The following OTUD7A variants were observed in gnomAD, a reference collection of about 807,000 sequenced individuals.
OTUD7A encodes the protein OTU domain-containing protein 7A.
OTUD7A carries 12 observed loss-of-function variants against 65.7 expected under a neutral mutation model. The ratio of observed to expected loss-of-function variants is 0.18; its 90% CI spans 0.12 to 0.30. OTUD7A has a LOEUF of 0.30. Ranked by LOEUF, OTUD7A falls within the 10% of genes least tolerant of loss-of-function variation. The pLI is 1.00. For missense variants in OTUD7A, 1,148 were observed against 1,304.8 expected, an observed-to-expected ratio of 0.88 and a Z score of 1.85; for synonymous variants, 641 against 586.3, an observed-to-expected ratio of 1.09 and a Z score of -1.35.
chr15:31,662,046 G>T (rs1001987843), intron 1 of OTUD7A, among the ~76,000 whole-genome samples: 11 of 152,180 alleles, frequency 7.2e-5, no homozygotes, highest in African/African-American at 2.7e-4. Context: ...GACTCGATCA[G>T]ATTCAGATTC....
At chr15:31,554,095 C>T (rs961474023) in intron 5 of OTUD7A, among the ~76,000 whole-genome samples, 5 of 149,442 alleles carry the variant, frequency 3.3e-5, no homozygotes, top group African/African-American at 1.3e-4. Context: ...TGTTAGACTC[C>T]CTCTGCCAGG....
chr15:31,696,850 G>A (rs1328501603), intron 1 of OTUD7A, among the ~76,000 whole-genome samples: 3 of 150,154 alleles, frequency 2.0e-5, no homozygotes, highest in Non-Finnish European at 1.5e-5. Context: ...GAGGAGGAGT[G>A]GGGAGTCCAA....
At chr15:31,764,861 T>C (rs982713326) in intron 1 of OTUD7A, among the ~76,000 whole-genome samples, 14 of 152,314 alleles carry the variant, frequency 9.2e-5, no homozygotes, top group Admixed American at 2.0e-4. Flanking sequence ...TCCATCATCA[T>C]AGAAGTCAGT....
intron 3 of OTUD7A, among the ~76,000 whole-genome samples, chr15:31,599,863 G>A (rs766649347): frequency 3.9e-5 from 6 of 152,046 alleles, no homozygotes; most frequent in Non-Finnish European, 7.4e-5. Context: ...ATCAATAGCC[G>A]AGTCGATCAA....
At chr15:31,596,592 C>T (rs1889909876) in intron 3 of OTUD7A, among the ~76,000 whole-genome samples, 1 of 152,078 alleles carries the variant, frequency 6.6e-6, no homozygotes, top group Non-Finnish European at 1.5e-5. Flanking sequence ...TATTATTTTG[C>T]CTTTGTAACA....
At position 31,498,516 on chromosome 15, in the gene OTUD7A, G is replaced by A. The variant is rs1311798418; in HGVS notation, c.1171+3174C>T. Among the ~76,000 whole-genome samples the A allele has an allele frequency of 6.6e-6, 1 of 152,132 alleles. No individual in the cohort carries two copies. The highest frequency in any genetic ancestry group is 1.5e-5 in the Non-Finnish European group (1 of 68,030). Reference sequence around the variant, plus strand: ...GTTCTATGTTTCCAGGAACTATGCGGCACCTCTGCTTCTCCTGTTAATTGA... The same window carrying A: ...GTTCTATGTTTCCAGGAACTATGCGACACCTCTGCTTCTCCTGTTAATTGA... On this transcript the variant is annotated intron_variant, in intron 10 of 12. Coordinates refer to ENST00000307050, the MANE Select transcript of OTUD7A (RefSeq NM_001382637.1). This position sits in a 1 kb window ranked among gnomAD's most constrained non-coding sequence, Gnocchi z 4.2.
intron 3 of OTUD7A, among the ~76,000 whole-genome samples, chr15:31,602,558 C>T (rs1243997106): frequency 1.3e-5 from 2 of 152,132 alleles, no homozygotes; most frequent in Non-Finnish European, 2.9e-5. Context: ...ACAAGGATGC[C>T]CTCTTCACCA....
chr15:31,864,297 A>G (rs888486355), intron 1 of OTUD7A, among the ~76,000 whole-genome samples: 1 of 152,180 alleles, frequency 6.6e-6, no homozygotes, highest in East Asian at 1.9e-4. Context: ...GTATCTTTTC[A>G]GCAATGCCCC....
At chr15:31,754,332 C>T (rs973518568) in intron 1 of OTUD7A, among the ~76,000 whole-genome samples, 3 of 151,404 alleles carry the variant, frequency 2.0e-5, no homozygotes, top group African/African-American at 7.3e-5. Flanking sequence ...GCTGGCTGTT[C>T]CTTTTGCCAT....
chr15:31,492,424 C>G (rs1036476489), intron 10 of OTUD7A, among the ~76,000 whole-genome samples: 1 of 151,906 alleles, frequency 6.6e-6, no homozygotes, highest in African/African-American at 2.4e-5. Context: ...ACTAAAAATA[C>G]AAAAATTAGC....
chr15:31,734,311 T>C (rs562620677), intron 1 of OTUD7A, among the ~76,000 whole-genome samples: 6 of 152,314 alleles, frequency 3.9e-5, no homozygotes, highest in Middle Eastern at 3.4e-3. Flanking sequence ...ATCAATATGA[T>C]TGAAGTGGCC....
intron 3 of OTUD7A, among the ~76,000 whole-genome samples, chr15:31,614,722 T>A (rs1890532887): frequency 6.6e-6 from 1 of 152,276 alleles, no homozygotes; most frequent in South Asian, 2.1e-4. Context: ...AATCTCAGAT[T>A]GAAGCTCAGA....
chr15:31,486,688 G>A (rs943375404), intron 12 of OTUD7A, among the ~76,000 whole-genome samples: 1 of 152,258 alleles, frequency 6.6e-6, no homozygotes, highest in Non-Finnish European at 1.5e-5. Flanking sequence ...CCAGTGTGCT[G>A]CCTCTGGGAG....
chr15:31,670,835 CA>C (rs907294040), intron 1 of OTUD7A, among the ~76,000 whole-genome samples: 5 of 148,700 alleles, frequency 3.4e-5, no homozygotes, highest in Non-Finnish European at 4.5e-5. Context: ...ACTAAAAATA[CA>C]AAAAAAAAAT....
intron 1 of OTUD7A, among the ~76,000 whole-genome samples, chr15:31,837,966 T>C (rs551039750): frequency 6.6e-6 from 1 of 152,304 alleles, no homozygotes; most frequent in South Asian, 2.1e-4. Flanking sequence ...ACAACATAAA[T>C]AGATCCATAC....
At chr15:31,838,755 C>T (rs188525034) in intron 1 of OTUD7A, among the ~76,000 whole-genome samples, 2,109 of 151,872 alleles carry the variant, frequency 0.014, 29 homozygotes, top group Non-Finnish European at 0.023. Flanking sequence ...TGAGGGGCCC[C>T]CACTACTCCT....
chr15:31,674,955 G>C (rs7178118), intron 1 of OTUD7A, among the ~76,000 whole-genome samples: 1 of 151,992 alleles, frequency 6.6e-6, no homozygotes, highest in Non-Finnish European at 1.5e-5. Flanking sequence ...CAGTCCACCC[G>C]TGGACTTCTT....
rs530822579 is a variant in OTUD7A at position 31,812,025 on chromosome 15, C to A, written c.-100+58482G>T. ...CTGCTGCCTTGCTTCACCCAGCCTT[C>A]CCAGGGATGGGGCAGGTGGTGACCA... On this transcript the variant is annotated intron_variant, in intron 1 of 12. Transcript: ENST00000307050. Among the ~76,000 whole-genome samples the A allele has an allele frequency of 2.6e-5, 4 of 152,326 alleles. No individual in the cohort carries two copies. The South Asian group carries it at 8.3e-4, about 32-fold the overall frequency.
chr15:31,673,841 T>A (rs1424512304), intron 1 of OTUD7A, among the ~76,000 whole-genome samples: 2 of 152,230 alleles, frequency 1.3e-5, no homozygotes, highest in Admixed American at 1.3e-4. Flanking sequence ...CGCATTGAGC[T>A]GTCACCCCAA....
Sources: gnomAD v4.1 joint callset for allele counts (sites outside exome capture counted in the v4.1 genomes callset) on GRCh38, gnomAD v4.1.1 for gene constraint, Gnocchi (gnomAD v3.1) non-coding constraint, MANE v1.5 for transcripts, NCBI Gene and HGNC (gene_info 2026-07-23, HGNC 2026-07-21) for gene names.